The following DEFB131A variants were observed in gnomAD, a reference collection of about 807,000 sequenced individuals.
DEFB131A encodes the protein defensin beta 131A.
A neutral mutation model predicts 2.4 loss-of-function variants in DEFB131A; 5 were observed. The ratio of observed to expected loss-of-function variants is 2.12; its 90% CI spans 1.11 to 4.47. DEFB131A has a LOEUF of 4.47. Among genes scored for constraint, DEFB131A ranks in the 30% most tolerant of loss-of-function variants. The probability of loss-of-function intolerance (pLI) is 0.00; values close to 1 mark genes in which losing one functional copy is unlikely to be tolerated. For synonymous variants in DEFB131A, 34 were observed against 25.7 expected (o/e 1.32, Z -0.97); for missense variants, 120 against 79.9 (o/e 1.50, Z -1.91).
intron 1 of DEFB131A, among the ~76,000 whole-genome samples, chr4:9,445,048 C>T (rs1560127856): frequency 6.6e-6 from 1 of 152,036 alleles, no homozygotes; most frequent in Non-Finnish European, 1.5e-5. Context: ...CCACTGCACA[C>T]CAGCCTGGGC....
chr4:9,448,955 C>A (rs1717577867), intron 1 of DEFB131A, among the ~76,000 whole-genome samples: 1 of 152,072 alleles, frequency 6.6e-6, no homozygotes, highest in South Asian at 2.1e-4. Context: ...AAACTTCACT[C>A]TCCCAAAATT....
At chr4:9,447,705 T>C (rs1382723695) in intron 1 of DEFB131A, among the ~76,000 whole-genome samples, 1 of 149,634 alleles carries the variant, frequency 6.7e-6, no homozygotes, top group Non-Finnish European at 1.5e-5. Flanking sequence ...CATTTTAGCT[T>C]TATCAGTCCT....
chr4:9,447,869 C>T (rs1717542188), intron 1 of DEFB131A, among the ~76,000 whole-genome samples: 1 of 151,982 alleles, frequency 6.6e-6, no homozygotes, highest in Non-Finnish European at 1.5e-5. Flanking sequence ...AATCAGTGAG[C>T]TTAAAGAAGT....
intron 1 of DEFB131A, among the ~76,000 whole-genome samples, chr4:9,446,289 T>A (rs1192367495): frequency 6.6e-6 from 1 of 152,126 alleles, no homozygotes; most frequent in African/African-American, 2.4e-5. Flanking sequence ...TGATTTATTA[T>A]AAAGTATTGG....
chr4:9,445,991 T>C (rs1330268688), intron 1 of DEFB131A, among the ~76,000 whole-genome samples: 1 of 152,134 alleles, frequency 6.6e-6, no homozygotes, highest in African/African-American at 2.4e-5. Flanking sequence ...GTGGCATAGA[T>C]TCGTACTTCA....
At chr4:9,449,570 A>C (rs975171113) in intron 1 of DEFB131A, among the ~76,000 whole-genome samples, 5 of 151,704 alleles carry the variant, frequency 3.3e-5, no homozygotes, top group African/African-American at 1.2e-4. Flanking sequence ...ATTTAAACAT[A>C]ATTACCTGAA....
intron 1 of DEFB131A, among the ~76,000 whole-genome samples, chr4:9,448,071 A>G (rs1717548778): frequency 6.6e-6 from 1 of 152,096 alleles, no homozygotes; most frequent in Non-Finnish European, 1.5e-5. Context: ...GAAAATAAGC[A>G]AAATGTACAT....
intron 1 of DEFB131A, 69 bp from the exon 2 acceptor site, chr4:9,450,291 A>G: frequency 7.4e-7 from 1 of 1,348,368 alleles, no homozygotes; most frequent in Non-Finnish European, 9.6e-7. Flanking sequence ...TTATTATAAA[A>G]CATTTCAGAC....
chr4:9,444,899 C>T (rs1717452882), intron 1 of DEFB131A, among the ~76,000 whole-genome samples: 1 of 107,168 alleles, frequency 9.3e-6, no homozygotes, highest in South Asian at 3.3e-4. Context: ...GGGTGAAACC[C>T]CATCTCTCCA....
chr4:9,448,846 AG>A (rs2108838192), intron 1 of DEFB131A, among the ~76,000 whole-genome samples: 1 of 152,322 alleles, frequency 6.6e-6, no homozygotes, highest in South Asian at 2.1e-4. Flanking sequence ...AAGAACAATT[AG>A]GCAAGAAAAG....
chr4:9,449,787 C>T (rs544476595), intron 1 of DEFB131A, among the ~76,000 whole-genome samples: 12 of 152,224 alleles, frequency 7.9e-5, no homozygotes, highest in East Asian at 1.9e-4. Flanking sequence ...AGCCCGAATA[C>T]GCTGGGAAGC....
intron 1 of DEFB131A, among the ~76,000 whole-genome samples, chr4:9,448,680 T>C (rs1407317223): frequency 6.6e-6 from 1 of 152,118 alleles, no homozygotes; most frequent in East Asian, 1.9e-4. Context: ...AAAATAGAGT[T>C]TGTCACCAGT....
Position 9,445,041 on chromosome 4 carries a change from C to T in DEFB131A, c.58+450C>T, listed in dbSNP as rs559436534. Among the ~76,000 whole-genome samples the T allele has an allele frequency of 4.3e-4, 66 of 152,218 alleles. No homozygotes were observed. In the South Asian group the frequency reaches 0.011, roughly 26 times the overall value. On this transcript the variant is annotated intron_variant, in intron 1 of 1. Transcript: ENST00000334879. ...GCTGCATTCAGCTTAGGTCATGCCA[C>T]TGCACACCAGCCTGGGCAACAGAGT... is the stretch of plus-strand genomic sequence containing the variant.
At chr4:9,445,120 A>G (rs532579932) in intron 1 of DEFB131A, among the ~76,000 whole-genome samples, 1 of 152,098 alleles carries the variant, frequency 6.6e-6, no homozygotes, top group African/African-American at 2.4e-5. Context: ...CTTGAGAGTT[A>G]TGTTTGATCA....
chr4:9,447,562 T>G (rs1057427974), intron 1 of DEFB131A, among the ~76,000 whole-genome samples: 3 of 152,142 alleles, frequency 2.0e-5, no homozygotes, highest in African/African-American at 7.2e-5. Flanking sequence ...GAGGCCTGTC[T>G]TGGCTTGCAG....
rs186878990 is a variant in DEFB131A, at chr4:9,449,388, C to T, written c.59-972C>T. On this transcript the variant is annotated intron_variant, in intron 1 of 1. Coordinates refer to ENST00000334879, the MANE Select transcript of DEFB131A (RefSeq NM_001040448.3). The stretch of plus-strand genomic sequence containing the variant: ...GAGAATAGAGGACCCAGAAATCAAC[C>T]GACACTTACACAGTCCACTGGCCTT... 4.9e-5 allele frequency among the ~76,000 whole-genome samples: 6 copies of T among 122,418 alleles called. No homozygotes were observed. The East Asian group carries it at 9.4e-4, about 19-fold the overall frequency. The allele number at this position is 122,418 out of a possible 152,430, so 80.3% of individuals were successfully genotyped here. A position where few individuals can be genotyped will look rare whatever the true frequency, so the allele number is the denominator to read the frequency against.
At chr4:9,445,116 A>T (rs1305153792) in intron 1 of DEFB131A, among the ~76,000 whole-genome samples, 1 of 152,036 alleles carries the variant, frequency 6.6e-6, no homozygotes, top group African/African-American at 2.4e-5. Context: ...CTTACTTGAG[A>T]GTTATGTTTG....
chr4:9,450,107 A>T (rs112216637), intron 1 of DEFB131A, among the ~76,000 whole-genome samples: 1 of 152,078 alleles, frequency 6.6e-6, no homozygotes, highest in Non-Finnish European at 1.5e-5. Flanking sequence ...TTAGGTAGAA[A>T]TATGTGGTAA....
intron 1 of DEFB131A, among the ~76,000 whole-genome samples, chr4:9,446,981 G>C (rs1446816437): frequency 6.6e-6 from 1 of 151,992 alleles, no homozygotes. Flanking sequence ...TTCAAAATTT[G>C]TTGAAACTTG....
Sources: gnomAD v4.1 joint callset for allele counts (sites outside exome capture counted in the v4.1 genomes callset) on GRCh38, gnomAD v4.1.1 for gene constraint, MANE v1.5 for transcripts, NCBI Gene and HGNC (gene_info 2026-07-23, HGNC 2026-07-21) for gene names.